The following DPP10 variants were observed in gnomAD, a reference collection of about 807,000 sequenced individuals.
DPP10 encodes inactive dipeptidyl peptidase 10.
Under a neutral mutation model 120.9 loss-of-function variants are expected in DPP10, and 33 were observed. The ratio of observed to expected loss-of-function variants is 0.27; its 90% confidence interval spans 0.21 to 0.37. DPP10 has a LOEUF of 0.37. DPP10 is among the 10% of genes least tolerant of loss of function. The probability of loss-of-function intolerance (pLI) is 1.00; values close to 1 mark genes in which losing one functional copy is unlikely to be tolerated. For missense variants in DPP10, 816 were observed against 942.8 expected (o/e 0.87, Z 1.76); for synonymous variants, 337 against 326.1 (o/e 1.03, Z -0.36).
chr2:115,531,148 GTT>G (rs58542777), intron 5 of DPP10, among the ~76,000 whole-genome samples: 1 of 125,916 alleles, frequency 7.9e-6, no homozygotes. Flanking sequence ...TCAAGATTGA[GTT>G]TTTTTTTTTT....
At chr2:115,003,445 T>C (rs1283350304) in intron 1 of DPP10, among the ~76,000 whole-genome samples, 3 of 151,910 alleles carry the variant, frequency 2.0e-5, no homozygotes, top group African/African-American at 7.3e-5. Context: ...TGAAATAATA[T>C]ATACACGAAA....
chr2:115,262,146 A>T (rs1260987440), intron 1 of DPP10, among the ~76,000 whole-genome samples: 1 of 152,124 alleles, frequency 6.6e-6, no homozygotes, highest in Non-Finnish European at 1.5e-5. Flanking sequence ...TCATATCTCT[A>T]TGTCTTTTAA....
intron 1 of DPP10, among the ~76,000 whole-genome samples, chr2:115,062,640 G>A (rs1706508555): frequency 6.6e-6 from 1 of 152,160 alleles, no homozygotes; most frequent in South Asian, 2.1e-4. Flanking sequence ...AACACGCAGT[G>A]TTTGATTTTC....
intron 1 of DPP10, among the ~76,000 whole-genome samples, chr2:114,628,739 T>C (rs570640350): frequency 2.0e-5 from 3 of 152,230 alleles, no homozygotes; most frequent in Admixed American, 2.0e-4. Flanking sequence ...TTAGTAACAA[T>C]GCTCAGGTGT....
Position 115,461,971 on chromosome 2 carries a change from A to G in DPP10, c.272-37539A>G, listed in dbSNP as rs528987657. ...CGTGTGGACCTTTGGAATGTCTTTT[A>G]TTCCATTAAAACTTAGAGAAATTGA... On this transcript the variant is annotated intron_variant, in intron 3 of 25. Transcript: ENST00000410059. Among the ~76,000 whole-genome samples the G allele has an allele frequency of 3.0e-4, 45 of 152,234 alleles. 1 individual carries two copies. The South Asian group carries it at 6.6e-3, about 22-fold the overall frequency.
At position 114,925,425 on chromosome 2, in the gene DPP10, C is replaced by G. The variant is rs145988981; in HGVS notation, c.61-383814C>G. 6.5e-3 allele frequency among the ~76,000 whole-genome samples: 985 copies of G among 152,206 alleles called. 11 individuals are homozygous for G. The highest frequency in any genetic ancestry group is 0.022 in the African/African-American group (925 of 41,528). ...AGGGGAGAAACATTCACTTTGCAAT[C>G]AGGCTGTGTTTATCGAGATGACTGA... On this transcript the variant is annotated intron_variant, in intron 1 of 25. Transcript: ENST00000410059.
At chr2:114,661,526 C>T (rs1041385946) in intron 1 of DPP10, among the ~76,000 whole-genome samples, 2 of 152,104 alleles carry the variant, frequency 1.3e-5, no homozygotes, top group Middle Eastern at 3.2e-3. Context: ...AGGCCGTGTC[C>T]CTGTAAGGAT....
At chr2:114,561,506 AGTTTTTGCTGTAGAT>A (rs1486794428) in intron 1 of DPP10, among the ~76,000 whole-genome samples, 1 of 152,182 alleles carries the variant, frequency 6.6e-6, no homozygotes, top group African/African-American at 2.4e-5. Context: ...ATATACAGAA[AGTTTTTGCTGTAGAT>A]ATGTCATTCC....
At chr2:115,284,725 A>G (rs1326730065) in intron 1 of DPP10, among the ~76,000 whole-genome samples, 2 of 151,996 alleles carry the variant, frequency 1.3e-5, no homozygotes, top group South Asian at 2.1e-4. Flanking sequence ...TTATACACCT[A>G]TGTATCTAGG....
At chr2:115,730,005 G>C (rs1383384538) in intron 8 of DPP10, among the ~76,000 whole-genome samples, 2 of 152,258 alleles carry the variant, frequency 1.3e-5, no homozygotes, top group East Asian at 3.9e-4. Flanking sequence ...CAAGAAGCGA[G>C]GGATAGTGAC....
chr2:114,743,157 G>A (rs969283169), intron 1 of DPP10, among the ~76,000 whole-genome samples: 13 of 152,120 alleles, frequency 8.5e-5, no homozygotes, highest in Non-Finnish European at 1.9e-4. Context: ...GTGATTTTTG[G>A]AATTCAGATG....
chr2:115,090,189 C>T lies in DPP10; in HGVS notation c.61-219050C>T, dbSNP rs1709126496. 2.6e-5 allele frequency among the ~76,000 whole-genome samples: 4 copies of T among 152,200 alleles called. No individual in the cohort carries two copies. In the South Asian group the frequency reaches 8.3e-4, roughly 32 times the overall value. ...AATGTTCACATCTTTTTAAAATATA[C>T]ATATGTATGAGACATAAAAGTGCAA... On this transcript the variant is annotated intron_variant, in intron 1 of 25. Transcript: ENST00000410059.
intron 1 of DPP10, among the ~76,000 whole-genome samples, chr2:114,804,678 G>A (rs957805615): frequency 1.3e-5 from 2 of 152,108 alleles, no homozygotes; most frequent in African/African-American, 4.8e-5. Context: ...TTTCTCCCAT[G>A]GAAACAGCTA....
At chr2:114,495,545 A>G (rs1047900749) in intron 1 of DPP10, among the ~76,000 whole-genome samples, 6 of 152,202 alleles carry the variant, frequency 3.9e-5, no homozygotes, top group Admixed American at 6.5e-5. Context: ...AGCTATGACA[A>G]AATAATGAAT....
intron 1 of DPP10, chr2:115,162,061 G>C: frequency 4.1e-6 from 6 of 1,447,966 alleles, no homozygotes; most frequent in Non-Finnish European, 4.5e-6. Flanking sequence ...AGGCCCTCCC[G>C]GGAGGGGTGG....
At chr2:115,347,043 C>A (rs2063743731) in intron 3 of DPP10, among the ~76,000 whole-genome samples, 1 of 152,062 alleles carries the variant, frequency 6.6e-6, no homozygotes, top group Non-Finnish European at 1.5e-5. Context: ...AAGGTCACAG[C>A]CAACACTGCT....
chr2:115,125,062 C>A (rs2104755780), intron 1 of DPP10, among the ~76,000 whole-genome samples: 1 of 152,286 alleles, frequency 6.6e-6, no homozygotes, highest in Non-Finnish European at 1.5e-5. Flanking sequence ...GTTTCTCTAT[C>A]TACCATAACT....
chr2:114,841,859 G>T (rs1240144292), intron 1 of DPP10, among the ~76,000 whole-genome samples: 1 of 152,034 alleles, frequency 6.6e-6, no homozygotes, highest in Non-Finnish European at 1.5e-5. Context: ...GAGAGAAGTG[G>T]AGACACCCGG....
chr2:114,899,516 T>C (rs1482678107), intron 1 of DPP10, among the ~76,000 whole-genome samples: 1 of 152,180 alleles, frequency 6.6e-6, no homozygotes, highest in Non-Finnish European at 1.5e-5. Flanking sequence ...GTAATGAATT[T>C]CTTGCTTTCA....
Sources: allele counts gnomAD v4.1 joint callset (sites outside exome capture counted in the v4.1 genomes callset), GRCh38; gene constraint gnomAD v4.1.1; transcripts MANE v1.5; gene names NCBI Gene and HGNC (gene_info 2026-07-23, HGNC 2026-07-21).